MYT1L: variants seen among roughly 807,000 people sequenced by gnomAD.
MYT1L encodes myelin transcription factor 1-like protein.
MYT1L carries 12 observed loss-of-function variants against 126.7 expected under a neutral mutation model. That is an observed-to-expected ratio of 0.09 (90% confidence interval 0.06 to 0.15). MYT1L has a LOEUF of 0.15. MYT1L is among the 10% of genes least tolerant of loss of function. The pLI, the probability that MYT1L is intolerant of heterozygous loss-of-function variation, is 1.00. For missense variants in MYT1L, 979 were observed against 1,585.2 expected (o/e 0.62, Z 6.49); for synonymous variants, 541 against 604.2 (o/e 0.90, Z 1.53).
chr2:1,903,321 C>T, intron 13 of MYT1L, 27 bp from the exon 14 acceptor site: 2 of 1,575,226 alleles, frequency 1.3e-6, no homozygotes, highest in Admixed American at 3.6e-5. Flanking sequence ...AAACAAACAA[C>T]AGCTTGCTTT....
chr2:1,914,510 AC>A (rs1337822149), intron 11 of MYT1L, among the ~76,000 whole-genome samples: 2 of 151,678 alleles, frequency 1.3e-5, no homozygotes, highest in East Asian at 3.9e-4. Context: ...CACGAATGCT[AC>A]TCCAAGGACG....
chr2:2,089,486 G>A (rs1037652136), intron 3 of MYT1L, among the ~76,000 whole-genome samples: 2 of 152,228 alleles, frequency 1.3e-5, no homozygotes, highest in Non-Finnish European at 2.9e-5. Flanking sequence ...AATCTCGATA[G>A]TGTTTCATGA....
intron 1 of MYT1L, among the ~76,000 whole-genome samples, chr2:2,295,679 GACAGAC>G (rs199945190): frequency 2.2e-5 from 3 of 136,092 alleles, no homozygotes; most frequent in African/African-American, 2.8e-5. Context: ...GAGAGAGAGA[GACAGAC>G]AGAGAGAGAG....
At chr2:2,186,559 A>G (rs960983978) in intron 2 of MYT1L, among the ~76,000 whole-genome samples, 3 of 152,116 alleles carry the variant, frequency 2.0e-5, no homozygotes, top group African/African-American at 7.2e-5. Flanking sequence ...CTTCTGCGAG[A>G]GGCATTTGTA....
chr2:2,042,613 C>T (rs1393524743), intron 4 of MYT1L, among the ~76,000 whole-genome samples: 1 of 152,030 alleles, frequency 6.6e-6, no homozygotes, highest in East Asian at 1.9e-4. Flanking sequence ...GTTATCAGGT[C>T]TCACCATTGG....
chr2:2,295,579 G>T (rs142124895), intron 1 of MYT1L, among the ~76,000 whole-genome samples: 1 of 131,232 alleles, frequency 7.6e-6, no homozygotes, highest in Non-Finnish European at 1.7e-5. Context: ...GAGAGAGAGA[G>T]AGAGACAGAC....
At chr2:1,937,758 G>C (rs1192073983) in intron 9 of MYT1L, among the ~76,000 whole-genome samples, 1 of 152,016 alleles carries the variant, frequency 6.6e-6, no homozygotes, top group Non-Finnish European at 1.5e-5. Context: ...AGTCGAGAAG[G>C]CCCTAATGTC....
intron 2 of MYT1L, among the ~76,000 whole-genome samples, chr2:2,279,564 T>TGAAGGAAG (rs1553619839): frequency 2.6e-4 from 32 of 121,684 alleles, no homozygotes; most frequent in East Asian, 1.3e-3. Context: ...AAGGAATGAA[T>TGAAGGAAG]GAATGAAGGA....
At chr2:2,255,315 C>T (rs922184596) in intron 2 of MYT1L, among the ~76,000 whole-genome samples, 10 of 152,100 alleles carry the variant, frequency 6.6e-5, no homozygotes, top group African/African-American at 1.2e-4. Flanking sequence ...ATCTATGTCA[C>T]GCAATATATC....
intron 18 of MYT1L, among the ~76,000 whole-genome samples, chr2:1,863,125 C>T (rs2044934952): frequency 6.6e-6 from 1 of 152,128 alleles, no homozygotes; most frequent in South Asian, 2.1e-4. Flanking sequence ...TCAATCCCTG[C>T]TCTGAACTCT....
intron 2 of MYT1L, among the ~76,000 whole-genome samples, chr2:2,221,439 C>T (rs1471878667): frequency 6.6e-6 from 1 of 152,050 alleles, no homozygotes; most frequent in East Asian, 1.9e-4. Context: ...CATCTGAGGC[C>T]CCAGTTTGGG....
At chr2:2,075,211 C>T (rs1281547772) in intron 3 of MYT1L, among the ~76,000 whole-genome samples, 1 of 152,136 alleles carries the variant, frequency 6.6e-6, no homozygotes, top group Non-Finnish European at 1.5e-5. Context: ...TGGTGATCGG[C>T]CTTTTTGGGG....
rs114055313 is a variant in MYT1L at position 1,910,729 on chromosome 2, C to T, written c.1710-382G>A. Among the ~76,000 whole-genome samples the T allele has an allele frequency of 1.7e-3, 253 of 152,210 alleles. 1 individual carries two copies. Among genetic ancestry groups the T allele is most frequent in the Non-Finnish European group, 2.7e-3 (185 of 68,016 alleles). ...GATGAGTTTTGAAGCCCCAGAATGG[C>T]AATGAATTGACTGTTACCAGAAGAT... is the stretch of plus-strand genomic sequence containing the variant. On this transcript the variant is annotated intron_variant, in intron 12 of 24. Coordinates refer to ENST00000647738, the MANE Select transcript of MYT1L (RefSeq NM_001303052.2). The surrounding 1 kb of genome is among the most constrained non-coding windows in gnomAD (Gnocchi z 4.8).
chr2:1,819,929 A>G (rs2038260857), intron 21 of MYT1L, among the ~76,000 whole-genome samples: 1 of 152,154 alleles, frequency 6.6e-6, no homozygotes, highest in Non-Finnish European at 1.5e-5. Flanking sequence ...GCAATGACAA[A>G]GGATTGGAAG....
intron 3 of MYT1L, among the ~76,000 whole-genome samples, chr2:2,165,364 G>C (rs551193503): frequency 1.6e-3 from 239 of 151,784 alleles, no homozygotes; most frequent in South Asian, 3.1e-3. Flanking sequence ...GTGCACACAG[G>C]TGACCACAGA....
intron 8 of MYT1L, among the ~76,000 whole-genome samples, chr2:1,952,950 T>TCCTC (rs140257766): frequency 7.4e-5 from 7 of 93,964 alleles, no homozygotes; most frequent in South Asian, 5.2e-4. Flanking sequence ...CTTCCCTCCT[T>TCCTC]CCTCCCTCCC....
At chr2:1,945,160 G>A (rs770968085) in intron 8 of MYT1L, among the ~76,000 whole-genome samples, 5 of 152,182 alleles carry the variant, frequency 3.3e-5, no homozygotes, top group Non-Finnish European at 5.9e-5. Context: ...TGGAGAGTCC[G>A]GCGGGGTCCA....
At chr2:2,255,619 T>G (rs1465013015) in intron 2 of MYT1L, among the ~76,000 whole-genome samples, 1 of 152,206 alleles carries the variant, frequency 6.6e-6, no homozygotes, top group African/African-American at 2.4e-5. Flanking sequence ...TATGAATCAC[T>G]TGAACATAAA....
chr2:2,062,866 G>A (rs935486854), intron 3 of MYT1L, among the ~76,000 whole-genome samples: 1 of 152,066 alleles, frequency 6.6e-6, no homozygotes, highest in Non-Finnish European at 1.5e-5. Flanking sequence ...GAATGAGGGG[G>A]TGTGTAGATC....
Sources: allele counts gnomAD v4.1 joint callset (sites outside exome capture counted in the v4.1 genomes callset), GRCh38; gene constraint gnomAD v4.1.1; non-coding constraint Gnocchi (gnomAD v3.1); transcripts MANE v1.5; gene names NCBI Gene and HGNC (gene_info 2026-07-23, HGNC 2026-07-21).